The following KCNIP4 variants were observed in gnomAD, a reference collection of about 807,000 sequenced individuals.
KCNIP4 encodes the protein Kv channel-interacting protein 4.
A neutral mutation model predicts 34.0 loss-of-function variants in KCNIP4; 12 were observed. The observed-to-expected ratio is 0.35, with a 90% CI of 0.23 to 0.57. KCNIP4 has a LOEUF of 0.57. Ranked by LOEUF, KCNIP4 falls within the 20% of genes least tolerant of loss-of-function variation. The probability of loss-of-function intolerance (pLI) is 0.83; values close to 1 mark genes in which losing one functional copy is unlikely to be tolerated. For synonymous variants in KCNIP4, 124 were observed against 102.2 expected (o/e 1.21, Z -1.29); for missense variants, 238 against 311.7 (o/e 0.76, Z 1.78).
chr4:20,754,184 C>T (rs1754113321), intron 4 of KCNIP4, among the ~76,000 whole-genome samples: 1 of 152,126 alleles, frequency 6.6e-6, no homozygotes, highest in African/African-American at 2.4e-5. Flanking sequence ...CCCCTGCCAA[C>T]AAGAGGCTTT....
chr4:21,789,309 G>T (rs1341856685), intron 1 of KCNIP4, among the ~76,000 whole-genome samples: 9 of 152,088 alleles, frequency 5.9e-5, no homozygotes, highest in African/African-American at 2.2e-4. Flanking sequence ...AATTTAAAAT[G>T]TAAGTAAATT....
At chr4:21,578,180 A>G (rs1740894229) in intron 1 of KCNIP4, among the ~76,000 whole-genome samples, 1 of 151,896 alleles carries the variant, frequency 6.6e-6, no homozygotes, top group South Asian at 2.1e-4. Context: ...CTAAAGATAC[A>G]AAAATTAGCC....
intron 1 of KCNIP4, among the ~76,000 whole-genome samples, chr4:21,008,607 T>C (rs1053039995): frequency 2.0e-5 from 3 of 151,854 alleles, no homozygotes; most frequent in African/African-American, 7.3e-5. Flanking sequence ...CACTGCAAGC[T>C]CCGCCTCCCG....
chr4:21,126,983 C>T (rs1396309081), intron 1 of KCNIP4, among the ~76,000 whole-genome samples: 1 of 152,226 alleles, frequency 6.6e-6, no homozygotes, highest in African/African-American at 2.4e-5. Context: ...CCTAAATTCT[C>T]ACCTGACCTT....
chr4:21,077,311 T>A (rs1254035476), intron 1 of KCNIP4, among the ~76,000 whole-genome samples: 1 of 152,140 alleles, frequency 6.6e-6, no homozygotes, highest in Non-Finnish European at 1.5e-5. Flanking sequence ...TTATCTCATT[T>A]GAAGAAAAAG....
chr4:20,751,096 A>G (rs1459330291), intron 4 of KCNIP4, among the ~76,000 whole-genome samples: 2 of 152,136 alleles, frequency 1.3e-5, no homozygotes, highest in African/African-American at 4.8e-5. Context: ...TGAAGGCTAT[A>G]CATTTCATGA....
intron 1 of KCNIP4, among the ~76,000 whole-genome samples, chr4:21,416,611 T>A (rs1469867079): frequency 6.6e-6 from 1 of 152,154 alleles, no homozygotes; most frequent in South Asian, 2.1e-4. Context: ...GAAAGGAAAA[T>A]GAATGAAATG....
Position 20,955,248 on chromosome 4 carries a change from C to T in KCNIP4, c.62-72539G>A, listed in dbSNP as rs10011476. On this transcript the variant is annotated intron_variant, in intron 1 of 8. Transcript: ENST00000382152. ...TGGTAATACAACCCTTTCTTAAACACGGCAAAATGTGTCTACTGTCTGTAA... is the reference window on the plus strand; with the variant it reads ...TGGTAATACAACCCTTTCTTAAACATGGCAAAATGTGTCTACTGTCTGTAA... 4.5e-3 allele frequency among the ~76,000 whole-genome samples: 680 copies of T among 152,292 alleles called. 3 individuals are homozygous for T. Among genetic ancestry groups the T allele is most frequent in the African/African-American group, 0.015 (630 of 41,556 alleles).
chr4:21,052,525 A>G (rs1357321610), intron 1 of KCNIP4, among the ~76,000 whole-genome samples: 3 of 152,182 alleles, frequency 2.0e-5, no homozygotes, highest in Non-Finnish European at 4.4e-5. Context: ...TGTCTTACAA[A>G]AGGCACTTGT....
At position 21,368,538 on chromosome 4, in the gene KCNIP4, T is replaced by TGCA. The variant is rs1432867511; in HGVS notation, c.62-485832_62-485830dup. On this transcript the variant is annotated intron_variant, in intron 1 of 8. Coordinates refer to ENST00000382152, the MANE Select transcript of KCNIP4 (RefSeq NM_025221.6). ...TATTAGTCCAATATTATCTTCACTC[T>TGCA]GCAGCTTTGGTAACTAAGGCCCAGT... Among the ~76,000 whole-genome samples, 3 of 147,456 alleles carry TGCA rather than the reference T, an allele frequency of 2.0e-5. No homozygotes were observed. In the East Asian group the frequency reaches 6.0e-4, roughly 29 times the overall value.
intron 1 of KCNIP4, among the ~76,000 whole-genome samples, chr4:21,904,610 T>A (rs570431034): frequency 6.6e-6 from 1 of 152,346 alleles, no homozygotes; most frequent in South Asian, 2.1e-4. Context: ...TTATCTTGGA[T>A]AGAAGACATA....
intron 1 of KCNIP4, among the ~76,000 whole-genome samples, chr4:21,918,068 A>G (rs1030814449): frequency 9.9e-5 from 15 of 152,196 alleles, no homozygotes; most frequent in Non-Finnish European, 2.2e-4. Context: ...TGGTGGCAAC[A>G]TGTTTGGTAA....
At chr4:20,948,505 T>C (rs1371561688) in intron 1 of KCNIP4, among the ~76,000 whole-genome samples, 1 of 152,146 alleles carries the variant, frequency 6.6e-6, no homozygotes, top group Non-Finnish European at 1.5e-5. Flanking sequence ...CACATGTGGT[T>C]GGAGGGAGCA....
intron 1 of KCNIP4, among the ~76,000 whole-genome samples, chr4:21,046,543 T>A (rs1742432208): frequency 6.8e-6 from 1 of 148,126 alleles, no homozygotes; most frequent in South Asian, 2.1e-4. Context: ...TTAAAAAAAA[T>A]AAAGAGAAAC....
chr4:21,110,906 T>C (rs566919428), intron 1 of KCNIP4, among the ~76,000 whole-genome samples: 133 of 152,336 alleles, frequency 8.7e-4, no homozygotes, highest in African/African-American at 3.1e-3. Context: ...CCACTCAGTC[T>C]ATGCCATTTT....
At chr4:20,930,344 T>C (rs572775578) in intron 1 of KCNIP4, among the ~76,000 whole-genome samples, 1 of 152,058 alleles carries the variant, frequency 6.6e-6, no homozygotes, top group East Asian at 1.9e-4. Context: ...TCTTGCACCA[T>C]ATACAAAAAT....
intron 1 of KCNIP4, among the ~76,000 whole-genome samples, chr4:21,872,360 A>G (rs1725869906): frequency 6.6e-6 from 1 of 152,150 alleles, no homozygotes; most frequent in Non-Finnish European, 1.5e-5. Flanking sequence ...GATTTATTCT[A>G]TCAGGTTTCT....
At chr4:21,592,997 A>G (rs1742334004) in intron 1 of KCNIP4, among the ~76,000 whole-genome samples, 1 of 152,100 alleles carries the variant, frequency 6.6e-6, no homozygotes, top group African/African-American at 2.4e-5. Context: ...AAATTGCAAT[A>G]TTACAATTTG....
chr4:21,007,364 G>T (rs1014408852), intron 1 of KCNIP4, among the ~76,000 whole-genome samples: 4 of 152,154 alleles, frequency 2.6e-5, no homozygotes, highest in African/African-American at 9.7e-5. Context: ...CAGTGTCCAT[G>T]TTCCAGGGTT....
Sources: allele counts gnomAD v4.1 joint callset (sites outside exome capture counted in the v4.1 genomes callset), GRCh38; gene constraint gnomAD v4.1.1; transcripts MANE v1.5; gene names NCBI Gene and HGNC (gene_info 2026-07-23, HGNC 2026-07-21).